Variants in KIRREL1 observed in about 807,000 individuals in gnomAD.
KIRREL1 encodes the protein kirre like nephrin family adhesion molecule 1, also known as kin of IRRE-like protein 1.
A neutral mutation model predicts 83.3 loss-of-function variants in KIRREL1; 25 were observed. The ratio of observed to expected loss-of-function variants is 0.30; its 90% CI spans 0.22 to 0.42. The LOEUF is 0.42. Ranked by LOEUF, KIRREL1 falls within the 10% of genes least tolerant of loss-of-function variation. KIRREL1 has a pLI of 1.00. For missense variants in KIRREL1, 812 were observed against 1,032.3 expected (o/e 0.79, Z 2.92); for synonymous variants, 388 against 410.4 (o/e 0.95, Z 0.66).
intron 6 of KIRREL1, 21 bp downstream of exon 6, chr1:158,087,881 G>A (rs1662063393): frequency 6.2e-7 from 1 of 1,610,540 alleles, no homozygotes; most frequent in Non-Finnish European, 8.5e-7. Flanking sequence ...CAGAGGCTGG[G>A]AGCGCTCTGG....
intron 1 of KIRREL1, among the ~76,000 whole-genome samples, chr1:158,005,443 A>C (rs1456541277): frequency 1.3e-5 from 2 of 149,748 alleles, no homozygotes; most frequent in African/African-American, 4.9e-5. Context: ...CACCCACCCC[A>C]CCCTGCCAAG....
intron 3 of KIRREL1, among the ~76,000 whole-genome samples, chr1:158,079,986 T>G (rs968173381): frequency 6.6e-6 from 1 of 152,122 alleles, no homozygotes; most frequent in Non-Finnish European, 1.5e-5. Flanking sequence ...ATGATTTGCT[T>G]TTCCTCTCTA....
At chr1:158,074,041 A>G (rs964457470) in intron 1 of KIRREL1, among the ~76,000 whole-genome samples, 1 of 152,236 alleles carries the variant, frequency 6.6e-6, no homozygotes, top group Non-Finnish European at 1.5e-5. Flanking sequence ...GCTGCACTAG[A>G]GAAATGCGCA....
chr1:158,027,332 C>A (rs966726863), intron 1 of KIRREL1, among the ~76,000 whole-genome samples: 4 of 152,240 alleles, frequency 2.6e-5, no homozygotes, highest in Non-Finnish European at 5.9e-5. Flanking sequence ...TGCTACCCTC[C>A]AGGAACCTCC....
At position 158,020,600 on chromosome 1, in the gene KIRREL1, C is replaced by CAAAAAAAAAA. The variant is rs370156588; in HGVS notation, c.52+26885_52+26894dup. On this transcript the variant is annotated intron_variant, in intron 1 of 14. Coordinates refer to ENST00000359209, the MANE Select transcript of KIRREL1 (RefSeq NM_018240.7). ...GCAGAATGACTGCCATACAGTAAAT[C>CAAAAAAAAAA]AAAAAAAAAAAAAAAAAAAAAAGCC... Among the ~76,000 whole-genome samples the CAAAAAAAAAA allele has an allele frequency of 4.7e-4, 39 of 83,650 alleles. 1 individual carries two copies. Among genetic ancestry groups the CAAAAAAAAAA allele is most frequent in the Admixed American group, 1.1e-3 (6 of 5,646 alleles). The allele number at this position is 83,650 out of a possible 152,430, so 54.9% of individuals were successfully genotyped here.
In KIRREL1 at chr1:158,086,745, C is replaced by A. The variant is rs1419416269; in HGVS notation, c.660C>A (p.His220Gln). The change falls in exon 5 of 15, where the codon CAC becomes CAA. Residue 220 changes from histidine (H) to glutamine (Q), a missense_variant and splice_region_variant. This residue lies in a region of KIRREL1 where 472 missense variants were observed against 626.8 expected (regional missense o/e 0.75). Coordinates refer to ENST00000359209, the MANE Select transcript of KIRREL1 (RefSeq NM_018240.7). ...AGACTTCCATCGAGCTGGATGTGCA[C>A]CGTGAGTGGGCTGGGGGGAGCAGTC... ...GKETSIELDV[H>Q]HPPTVTLSIE... 6.4e-7 allele frequency: 1 copy of A among 1,550,938 alleles called. No homozygotes were observed. The highest frequency in any genetic ancestry group is 1.2e-5 in the South Asian group (1 of 84,022).
At chr1:158,042,081 G>A (rs893737956) in intron 1 of KIRREL1, among the ~76,000 whole-genome samples, 2 of 152,130 alleles carry the variant, frequency 1.3e-5, no homozygotes, top group Non-Finnish European at 2.9e-5. Flanking sequence ...TACATTGCCC[G>A]AGCACTTCCA....
At chr1:158,089,374 C>T in intron 8 of KIRREL1, 128 bp from the exon 9 acceptor site, 2 of 1,468,948 alleles carry the variant, frequency 1.4e-6, no homozygotes, top group Non-Finnish European at 1.9e-6. Flanking sequence ...TCGGGAACCC[C>T]ATTTCCCTTC....
chr1:158,027,960 G>C (rs542050956), intron 1 of KIRREL1, among the ~76,000 whole-genome samples: 1 of 152,242 alleles, frequency 6.6e-6, no homozygotes, highest in Admixed American at 6.5e-5. Flanking sequence ...AGGAATGATA[G>C]AGACCACTTC....
intron 1 of KIRREL1, among the ~76,000 whole-genome samples, chr1:158,015,135 A>G (rs1197181643): frequency 6.6e-6 from 1 of 152,156 alleles, no homozygotes; most frequent in African/African-American, 2.4e-5. Context: ...AGACATCACA[A>G]CAGCTGGCTG....
rs1661959525 is a variant in KIRREL1, at chr1:158,084,434, A to T, written c.365A>T (p.Asp122Val). ...CTTTCTCCCACAGTCCCCCCAGAGG[A>T]CACCAGGATTGACGGAGGCCCTGTG... ...AKLTVLIPPE[D>V]TRIDGGPVIL... Residue 122 changes from aspartate (D) to valine (V), a missense_variant, in exon 4 of 15, where the codon GAC (aspartate) becomes GTC (valine). This residue lies in a region of KIRREL1 where 472 missense variants were observed against 626.8 expected (regional missense o/e 0.75). Transcript: ENST00000359209. 1.3e-6 allele frequency: 2 copies of T among 1,551,638 alleles called. No homozygotes were observed. The highest frequency in any genetic ancestry group is 2.7e-5 in the African/African-American group (2 of 73,028).
At chr1:158,032,662 G>A (rs942384679) in intron 1 of KIRREL1, among the ~76,000 whole-genome samples, 1 of 152,196 alleles carries the variant, frequency 6.6e-6, no homozygotes, top group Admixed American at 6.5e-5. Flanking sequence ...AACTCCAGGT[G>A]TGTCCCAGGC....
chr1:158,009,365 A>G (rs1324660614), intron 1 of KIRREL1, among the ~76,000 whole-genome samples: 1 of 152,176 alleles, frequency 6.6e-6, no homozygotes, highest in Admixed American at 6.5e-5. Context: ...TTGAGTCTCA[A>G]TTTCTTCATT....
In KIRREL1 at chr1:158,084,497, G is replaced by A; in HGVS notation, c.428G>A (p.Cys143Tyr). Reference sequence around the variant, plus strand: ...GCAGGCACCCCCCACAACCTCACATGCCGGGCCTTCAATGCGAAGCCTGCT... The same window carrying A: ...GCAGGCACCCCCCACAACCTCACATACCGGGCCTTCAATGCGAAGCCTGCT... ...LQAGTPHNLTCRAFNAKPAAT... is the reference protein window; with the variant it reads ...LQAGTPHNLTYRAFNAKPAAT... The change falls in exon 4 of 15, where the codon TGC becomes TAC. Residue 143 changes from cysteine to tyrosine, a missense_variant. By Grantham distance (194) the Cys-to-Tyr change is radical. Coordinates refer to ENST00000359209, the MANE Select transcript of KIRREL1 (RefSeq NM_018240.7). 6.4e-7 allele frequency: 1 copy of A among 1,551,774 alleles called. No homozygotes were observed. Among genetic ancestry groups the A allele is most frequent in the Non-Finnish European group, 8.7e-7 (1 of 1,147,004 alleles).
chr1:158,045,897 C>CTT (rs1660767540), intron 1 of KIRREL1, among the ~76,000 whole-genome samples: 1 of 152,154 alleles, frequency 6.6e-6, no homozygotes, highest in Non-Finnish European at 1.5e-5. Flanking sequence ...GGAAGTTCCA[C>CTT]GAGTTTAAAA....
chr1:157,996,760 G>A (rs1310629400), intron 1 of KIRREL1, among the ~76,000 whole-genome samples: 2 of 152,222 alleles, frequency 1.3e-5, no homozygotes, highest in African/African-American at 4.8e-5. Context: ...AGACATGGCA[G>A]AAACCAGGAC....
intron 1 of KIRREL1, among the ~76,000 whole-genome samples, chr1:158,072,546 C>T (rs145818374): frequency 0.019 from 2,824 of 152,086 alleles, 40 homozygotes; most frequent in Middle Eastern, 0.041. Context: ...ACGAAAGTCA[C>T]GGGAGACTTC....
intron 4 of KIRREL1, 144 bp from the exon 5 acceptor site, chr1:158,086,452 G>C (rs1055314834): frequency 3.3e-6 from 2 of 603,178 alleles, no homozygotes; most frequent in Non-Finnish European, 2.8e-6. Context: ...ACACACACAA[G>C]GGAAGAGGTT....
At chr1:158,036,355 A>G (rs1423123496) in intron 1 of KIRREL1, among the ~76,000 whole-genome samples, 2 of 152,188 alleles carry the variant, frequency 1.3e-5, no homozygotes, top group Non-Finnish European at 2.9e-5. Flanking sequence ...GCAGTGATAG[A>G]CAGTTTAGGT....
Sources: allele counts gnomAD v4.1 joint callset (sites outside exome capture counted in the v4.1 genomes callset), GRCh38; gene constraint gnomAD v4.1.1; regional missense constraint gnomAD v4.1.1; transcripts MANE v1.5; gene names NCBI Gene and HGNC (gene_info 2026-07-23, HGNC 2026-07-21).